SAXO1: variants seen among roughly 807,000 people sequenced by gnomAD.
The protein encoded by SAXO1 is 4930500O09Rik.
In SAXO1, 21 loss-of-function variants were observed where a neutral mutation model predicts 17.5. The observed-to-expected ratio is 1.20, with a 90% CI of 0.85 to 1.72. The LOEUF (loss-of-function observed/expected upper bound fraction) is 1.72. Ranked by LOEUF, SAXO1 falls within the 40% of genes most tolerant of loss-of-function variation. SAXO1 has a pLI of 0.00. For synonymous variants in SAXO1, 274 were observed against 216.5 expected, an observed-to-expected ratio of 1.27 and a Z score of -2.33; for missense variants, 843 against 596.0, an observed-to-expected ratio of 1.41 and a Z score of -4.32.
chr9:19,048,972 C>G (rs1836286428), intron 1 of SAXO1, among the ~76,000 whole-genome samples: 1 of 152,268 alleles, frequency 6.6e-6, no homozygotes, highest in Non-Finnish European at 1.5e-5. Flanking sequence ...ACAAGTCTCA[C>G]TTTCCGCGCC....
At chr9:18,967,716 G>C (rs1011963874) in intron 1 of SAXO1, among the ~76,000 whole-genome samples, 1 of 152,080 alleles carries the variant, frequency 6.6e-6, no homozygotes, top group African/African-American at 2.4e-5. Context: ...AAGACCATTC[G>C]GCTCCCTGGC....
chr9:19,003,941 A>T (rs139363371), intron 1 of SAXO1, among the ~76,000 whole-genome samples: 90 of 152,248 alleles, frequency 5.9e-4, no homozygotes, highest in Non-Finnish European at 7.6e-4. Context: ...AGAAACTACC[A>T]TCACAGTTGG....
chr9:19,042,643 A>C (rs2131072567), intron 1 of SAXO1, among the ~76,000 whole-genome samples: 1 of 152,222 alleles, frequency 6.6e-6, no homozygotes, highest in East Asian at 1.9e-4. Flanking sequence ...CAGGCGGATC[A>C]CCAGAGGTTG....
intron 1 of SAXO1, chr9:19,027,352 C>G: frequency 2.6e-6 from 2 of 780,502 alleles, no homozygotes; most frequent in Non-Finnish European, 4.7e-6. Flanking sequence ...GTACGACTCG[C>G]GGGTGAAGGC....
At chr9:18,967,172 G>A (rs907852780) in intron 1 of SAXO1, among the ~76,000 whole-genome samples, 1 of 152,198 alleles carries the variant, frequency 6.6e-6, no homozygotes, top group African/African-American at 2.4e-5. Flanking sequence ...CCTGTATGAG[G>A]TGTCTGTCTA....
At chr9:18,958,034 C>T (rs1276726831) in intron 1 of SAXO1, among the ~76,000 whole-genome samples, 2 of 152,198 alleles carry the variant, frequency 1.3e-5, no homozygotes, top group Non-Finnish European at 2.9e-5. Flanking sequence ...TACACCTCGT[C>T]TGTAGAGATC....
chr9:18,998,452 A>G (rs1338566926), intron 1 of SAXO1, among the ~76,000 whole-genome samples: 1 of 152,206 alleles, frequency 6.6e-6, no homozygotes, highest in African/African-American at 2.4e-5. Context: ...CCTCCAAGAA[A>G]TTTGGGACTA....
Position 18,929,014 on chromosome 9 carries a change from G to T in SAXO1, c.463C>A (p.Arg155Ser), listed in dbSNP as rs534655135. The change falls in exon 4 of 4, where the codon CGT becomes AGT. Residue 155 changes from arginine (R) to serine (S), a missense_variant. Transcript: ENST00000380534. ...GCCGGCTGGTATTTGTGTTCCAGAC[G>T]AAGTGGCTCTCGCCTTGGTTGGTTC... ...PWNQPRREPLRLEHKYQPASV... is the reference protein window; with the variant it reads ...PWNQPRREPLSLEHKYQPASV... 6.2e-7 allele frequency: 1 copy of T among 1,614,192 alleles called. No individual in the cohort carries two copies. Among genetic ancestry groups the T allele is most frequent in the Admixed American group, 1.7e-5 (1 of 60,026 alleles).
chr9:18,982,125 T>A (rs371415331), intron 1 of SAXO1, among the ~76,000 whole-genome samples: 12 of 152,244 alleles, frequency 7.9e-5, no homozygotes, highest in African/African-American at 2.9e-4. Context: ...ACCTGCAGGA[T>A]AGGAACTCAG....
rs1016129706 is a variant in SAXO1, at chr9:19,022,132, C to T, written c.38+10739G>A. On this transcript the variant is annotated intron_variant, in intron 1 of 3. Transcript: ENST00000380534. ...GGCTTCATTCCTGAAATCAGCAAGACCACGAACCCACGGGGAGAAACGAAC... is the reference window on the plus strand; with the variant it reads ...GGCTTCATTCCTGAAATCAGCAAGATCACGAACCCACGGGGAGAAACGAAC... 2.0e-5 allele frequency among the ~76,000 whole-genome samples: 3 copies of T among 152,324 alleles called. No individual in the cohort carries two copies. In the South Asian group the frequency reaches 6.2e-4, roughly 32 times the overall value.
intron 1 of SAXO1, among the ~76,000 whole-genome samples, chr9:19,004,846 C>T (rs571393595): frequency 1.6e-4 from 25 of 151,876 alleles, no homozygotes; most frequent in Admixed American, 7.2e-4. Flanking sequence ...TGCACATGTA[C>T]GCTAGAACTT....
At chr9:19,010,109 G>A (rs191219396) in intron 1 of SAXO1, among the ~76,000 whole-genome samples, 55 of 151,596 alleles carry the variant, frequency 3.6e-4, no homozygotes, top group African/African-American at 9.5e-4. Context: ...GATTTCAGGC[G>A]TGAGCCACTT....
chr9:19,033,471 C>G (rs1343508496), upstream of SAXO1, among the ~76,000 whole-genome samples: 1 of 152,258 alleles, frequency 6.6e-6, no homozygotes, highest in Non-Finnish European at 1.5e-5. Context: ...TCACCATCAC[C>G]TTGGGTGGCA....
chr9:18,968,449 T>C (rs1282576179), intron 1 of SAXO1, among the ~76,000 whole-genome samples: 1 of 152,222 alleles, frequency 6.6e-6, no homozygotes, highest in Non-Finnish European at 1.5e-5. Context: ...CCATTCACTT[T>C]TAAATTCTCT....
At chr9:19,048,372 G>A (rs1266057306) in intron 1 of SAXO1, among the ~76,000 whole-genome samples, 1 of 152,044 alleles carries the variant, frequency 6.6e-6, no homozygotes, top group Non-Finnish European at 1.5e-5. Flanking sequence ...CAGGAGAATC[G>A]CTTGAACTCA....
rs187957899 is a variant in SAXO1, at chr9:19,038,317, T to A, written c.-158+10892A>T. Reference sequence around the variant, plus strand: ...AAAGACACATGCACATGTATGTTTATTGCAGCACTATTCACAATACCAAAG... The same window carrying A: ...AAAGACACATGCACATGTATGTTTAATGCAGCACTATTCACAATACCAAAG... On this transcript the variant is annotated intron_variant, in intron 1 of 3. Transcript: ENST00000542071. Among the ~76,000 whole-genome samples the A allele has an allele frequency of 2.8e-4, 43 of 152,264 alleles. No individual in the cohort carries two copies. The East Asian group carries it at 8.1e-3, about 29-fold the overall frequency.
At chr9:18,997,604 C>G (rs766056256) in intron 1 of SAXO1, among the ~76,000 whole-genome samples, 2 of 152,252 alleles carry the variant, frequency 1.3e-5, no homozygotes, top group Admixed American at 6.5e-5. Flanking sequence ...GTTCTGAAGA[C>G]AGCAGTGGTT....
intron 1 of SAXO1, among the ~76,000 whole-genome samples, chr9:18,980,206 T>C (rs1833316334): frequency 6.6e-6 from 1 of 152,190 alleles, no homozygotes; most frequent in Non-Finnish European, 1.5e-5. Flanking sequence ...TTTCATGCTG[T>C]GAGACTGCTG....
rs1477344154 is a variant in SAXO1 at position 18,928,417 on chromosome 9, G to T, written c.1060C>A (p.Pro354Thr). The change falls in exon 4 of 4, where the codon CCA becomes ACA. Residue 354 changes from proline to threonine, a missense_variant. Transcript: ENST00000380534. The stretch of plus-strand genomic sequence containing the variant: ...TCCAGCTGGGGAACGGGCTTGACTG[G>T]CTCTGTGCGCATGCTGGACCACTGC... ...YKQWSSMRTE[P>T]VKPVPQLDLP... The T allele has an allele frequency of 1.9e-6, 3 of 1,609,216 alleles. No individual in the cohort carries two copies. Among genetic ancestry groups the T allele is most frequent in the Non-Finnish European group, 2.5e-6 (3 of 1,177,218 alleles).
Sources: gnomAD v4.1 joint callset for allele counts (sites outside exome capture counted in the v4.1 genomes callset) on GRCh38, gnomAD v4.1.1 for gene constraint, MANE v1.5 for transcripts, NCBI Gene and HGNC (gene_info 2026-07-23, HGNC 2026-07-21) for gene names.